The following GRHL2 variants were observed in gnomAD, a reference collection of about 807,000 sequenced individuals.
The protein encoded by GRHL2 is grainyhead-like protein 2 homolog.
Under a neutral mutation model 83.8 loss-of-function variants are expected in GRHL2, and 21 were observed. The observed-to-expected ratio is 0.25, with a 90% confidence interval of 0.18 to 0.36. The LOEUF (loss-of-function observed/expected upper bound fraction) is 0.36. Among genes scored for constraint, GRHL2 ranks in the 10% least tolerant of loss-of-function variants. The probability of loss-of-function intolerance (pLI) is 1.00; values close to 1 mark genes in which losing one functional copy is unlikely to be tolerated. For synonymous variants in GRHL2, 280 were observed against 278.9 expected (o/e 1.00, Z -0.04); for missense variants, 623 against 781.8 (o/e 0.80, Z 2.42).
intron 4 of GRHL2, among the ~76,000 whole-genome samples, chr8:101,559,517 C>T (rs188773248): frequency 1.8e-3 from 280 of 152,032 alleles, no homozygotes; most frequent in Non-Finnish European, 2.4e-3. Context: ...GTGACAAGAA[C>T]GAAACTCCAT....
intron 12 of GRHL2, among the ~76,000 whole-genome samples, chr8:101,639,158 G>C (rs190149052): frequency 6.6e-6 from 1 of 152,252 alleles, no homozygotes; most frequent in African/African-American, 2.4e-5. Flanking sequence ...GATGGCCATC[G>C]ACCTACTTGT....
chr8:101,592,924 A>G (rs1042050799), intron 7 of GRHL2, among the ~76,000 whole-genome samples: 1 of 151,986 alleles, frequency 6.6e-6, no homozygotes, highest in African/African-American at 2.4e-5. Flanking sequence ...AAAGACTCCC[A>G]TTTTTTCTAC....
intron 13 of GRHL2, among the ~76,000 whole-genome samples, chr8:101,648,454 C>T (rs762718479): frequency 2.2e-4 from 33 of 152,200 alleles, no homozygotes; most frequent in Non-Finnish European, 2.9e-4. Context: ...CCCCACTGAT[C>T]GAGGACGGGT....
intron 8 of GRHL2, among the ~76,000 whole-genome samples, chr8:101,605,403 A>C (rs1812613550): frequency 6.6e-6 from 1 of 152,214 alleles, no homozygotes; most frequent in African/African-American, 2.4e-5. Flanking sequence ...AATAGAGAGA[A>C]ATCTGATTTT....
intron 1 of GRHL2, among the ~76,000 whole-genome samples, chr8:101,509,158 C>CTTTCTT (rs1563556168): frequency 1.5e-5 from 1 of 66,912 alleles, no homozygotes; most frequent in Non-Finnish European, 3.7e-5. Context: ...TCCTTCCTTC[C>CTTTCTT]TTTCTTTCTT....
intron 7 of GRHL2, among the ~76,000 whole-genome samples, chr8:101,582,963 T>C (rs548308448): frequency 6.6e-6 from 1 of 152,336 alleles, no homozygotes; most frequent in South Asian, 2.1e-4. Context: ...CCAAGATGTG[T>C]AAGAGAGGGT....
In GRHL2 at chr8:101,558,594, G is replaced by A; in HGVS notation, c.460G>A (p.Gly154Arg). 1 of 1,614,092 alleles carries A rather than the reference G, an allele frequency of 6.2e-7. No homozygotes were observed. The highest frequency in any genetic ancestry group is 8.5e-7 in the Non-Finnish European group (1 of 1,180,010). The change falls in exon 4 of 16, where the codon GGA becomes AGA. Residue 154 changes from glycine to arginine, a missense_variant. This residue lies in a region of GRHL2 where 239 missense variants were observed against 240.5 expected (regional missense o/e 0.99). Transcript: ENST00000646743. The stretch of plus-strand genomic sequence containing the variant: ...GAGCTCTGCCATCATCCCGGTGTCG[G>A]GAATCACGGTGGTGAAAGCTGAAGA... Reference protein sequence around the residue: ...PESSAIIPVSGITVVKAEDFT... With the variant: ...PESSAIIPVSRITVVKAEDFT...
At position 101,545,987 on chromosome 8, in the gene GRHL2, T is replaced by C. The variant is rs1235061997; in HGVS notation, c.216+2551T>C. On this transcript the variant is annotated intron_variant, in intron 2 of 15. Transcript: ENST00000646743. ...ACCTCCACCTCCCGGGTTCAAGTGA[T>C]TCTCCTGCCTCAGCCTCCCAAGTAG... Among the ~76,000 whole-genome samples, 5 of 148,930 alleles carry C rather than the reference T, an allele frequency of 3.4e-5. No homozygotes were observed. In the East Asian group the frequency reaches 1.0e-3, roughly 30 times the overall value.
intron 6 of GRHL2, among the ~76,000 whole-genome samples, chr8:101,576,467 C>A (rs1030616565): frequency 1.3e-5 from 2 of 152,142 alleles, no homozygotes; most frequent in Admixed American, 6.6e-5. Flanking sequence ...AGATCTTCCC[C>A]CCTCAGTTTC....
At chr8:101,621,245 G>C (rs1020857040) in intron 9 of GRHL2, among the ~76,000 whole-genome samples, 14 of 152,078 alleles carry the variant, frequency 9.2e-5, no homozygotes, top group Admixed American at 2.6e-4. Context: ...AATAATGAAT[G>C]CCTATCAAAA....
At chr8:101,657,170 C>T (rs1430360926) in intron 14 of GRHL2, among the ~76,000 whole-genome samples, 2 of 152,170 alleles carry the variant, frequency 1.3e-5, no homozygotes, top group Non-Finnish European at 2.9e-5. Flanking sequence ...GAGTCCACTG[C>T]TTTTTTGATG....
intron 7 of GRHL2, among the ~76,000 whole-genome samples, chr8:101,592,780 C>T (rs1418026275): frequency 6.6e-6 from 1 of 152,172 alleles, no homozygotes; most frequent in Admixed American, 6.5e-5. Context: ...AGAGAATTTC[C>T]ATGTGTTCCC....
chr8:101,569,215 T>C (rs1811774433), intron 4 of GRHL2, among the ~76,000 whole-genome samples: 1 of 152,188 alleles, frequency 6.6e-6, no homozygotes, highest in African/African-American at 2.4e-5. Context: ...TCGTCTACTT[T>C]TGAAAAGGTT....
At chr8:101,678,506 G>C in the GRHL2 span, among the ~76,000 whole-genome samples, 3 of 152,156 alleles carry the variant, frequency 2.0e-5, no homozygotes, top group African/African-American at 7.2e-5. Context: ...AGGCTGGGGA[G>C]GGGCGCCCGC....
At chr8:101,558,938 A>G in intron 4 of GRHL2, 126 bp downstream of exon 4, 1 of 1,053,038 alleles carries the variant, frequency 9.5e-7, no homozygotes, top group Non-Finnish European at 1.4e-6. Context: ...TAGTTTTTTA[A>G]AAGATGTGTT....
chr8:101,499,871 T>G (rs1339225711), intron 1 of GRHL2, among the ~76,000 whole-genome samples: 2 of 151,408 alleles, frequency 1.3e-5, no homozygotes, highest in African/African-American at 4.9e-5. Context: ...AGGTAAGGAG[T>G]TCGATATCAG....
At chr8:101,513,636 A>G (rs1268270432) in intron 1 of GRHL2, among the ~76,000 whole-genome samples, 1 of 151,564 alleles carries the variant, frequency 6.6e-6, no homozygotes, top group Non-Finnish European at 1.5e-5. Flanking sequence ...CTGGGATTAC[A>G]GGTGCCCGCC....
At chr8:101,552,056 C>T (rs1262499421) in intron 2 of GRHL2, among the ~76,000 whole-genome samples, 2 of 152,014 alleles carry the variant, frequency 1.3e-5, no homozygotes, top group South Asian at 2.1e-4. Flanking sequence ...GGGATGGTCT[C>T]TACCTCCTGA....
the GRHL2 span, among the ~76,000 whole-genome samples, chr8:101,677,425 C>A: frequency 2.0e-5 from 3 of 151,636 alleles, no homozygotes; most frequent in African/African-American, 7.3e-5. Flanking sequence ...CCATCTCCAC[C>A]CCCACGCCTA....
Sources: gnomAD v4.1 joint callset for allele counts (sites outside exome capture counted in the v4.1 genomes callset) on GRCh38, gnomAD v4.1.1 for gene constraint, gnomAD v4.1.1 regional missense constraint, MANE v1.5 for transcripts, NCBI Gene and HGNC (gene_info 2026-07-23, HGNC 2026-07-21) for gene names.